The following PCDHGC3 variants were observed in gnomAD, a reference collection of about 807,000 sequenced individuals.
PCDHGC3 encodes the protein protocadherin gamma-C3.
PCDHGC3 carries 26 observed loss-of-function variants against 59.2 expected under a neutral mutation model. The ratio of observed to expected loss-of-function variants is 0.44; its 90% CI spans 0.32 to 0.61. The LOEUF (loss-of-function observed/expected upper bound fraction) is 0.61. Among genes scored for constraint, PCDHGC3 ranks in the 20% least tolerant of loss-of-function variants. The pLI, the probability that PCDHGC3 is intolerant of heterozygous loss-of-function variation, is 0.05. For missense variants in PCDHGC3, 1,080 were observed against 1,221.8 expected (o/e 0.88, Z 1.73); for synonymous variants, 487 against 519.7 (o/e 0.94, Z 0.86).
In PCDHGC3 at chr5:141,511,539, C is replaced by CGAGAT; in HGVS notation, c.*366_*367insGAGAT. 3.0e-6 allele frequency: 1 copy of CGAGAT among 328,342 alleles called. No individual in the cohort carries two copies. Among genetic ancestry groups the CGAGAT allele is most frequent in the South Asian group, 3.2e-5 (1 of 31,708 alleles). 20.3% of individuals were successfully genotyped at this position (328,342 alleles called of 1,614,324 possible). On this transcript the variant is annotated 3_prime_UTR_variant, in exon 4 of 4. Transcript: ENST00000308177. ...CATCCCATGCCTCCCTCCTCCCCAC[C>CGAGAT]CCACTCCAACAGTTCCTCTTTCCCG...
chr5:141,502,578 T>C (rs2099815145), intron 2 of PCDHGC3, among the ~76,000 whole-genome samples: 1 of 152,198 alleles, frequency 6.6e-6, no homozygotes, highest in African/African-American at 2.4e-5. Context: ...TATAAAAATA[T>C]ATTTTTATAA....
intron 1 of PCDHGC3, among the ~76,000 whole-genome samples, chr5:141,492,685 C>T (rs919981996): frequency 1.3e-5 from 2 of 152,242 alleles, no homozygotes; most frequent in African/African-American, 2.4e-5. Context: ...CAAGGGTCGG[C>T]GACCCCTCAA....
intron 3 of PCDHGC3, 90 bp from the exon 4 acceptor site, chr5:141,510,857 A>G (rs1184962556): frequency 6.2e-7 from 1 of 1,605,538 alleles, no homozygotes; most frequent in Non-Finnish European, 8.5e-7. Flanking sequence ...AGGGTGCTGT[A>G]TAGGCATTCA....
chr5:141,509,300 G>A (rs987250093), intron 3 of PCDHGC3, among the ~76,000 whole-genome samples: 5 of 152,216 alleles, frequency 3.3e-5, no homozygotes, highest in African/African-American at 1.2e-4. Flanking sequence ...GGTGGAGGCA[G>A]AGGGAGGCTG....
At chr5:141,481,762 GC>G (rs1307001837) in intron 1 of PCDHGC3, among the ~76,000 whole-genome samples, 1 of 152,126 alleles carries the variant, frequency 6.6e-6, no homozygotes, top group Admixed American at 6.5e-5. Context: ...GACCAGCCTG[GC>G]CAACATGGTG....
intron 2 of PCDHGC3, among the ~76,000 whole-genome samples, chr5:141,500,001 A>G (rs961582279): frequency 6.6e-5 from 10 of 151,914 alleles, no homozygotes; most frequent in African/African-American, 2.4e-4. Context: ...TGATTCTTTC[A>G]TAAGGTCCAC....
At chr5:141,505,308 G>A in intron 2 of PCDHGC3, 85 bp from the exon 3 acceptor site, 1 of 1,598,660 alleles carries the variant, frequency 6.3e-7, no homozygotes, top group Non-Finnish European at 8.5e-7. Flanking sequence ...TAGGGTACTA[G>A]GTTTGGGAGC....
Position 141,476,468 on chromosome 5 carries a change from C to T in PCDHGC3, c.352C>T (p.Leu118=). 6.2e-7 allele frequency: 1 copy of T among 1,614,132 alleles called. No homozygotes were observed. Among genetic ancestry groups the T allele is most frequent in the Non-Finnish European group, 8.5e-7 (1 of 1,180,022 alleles). The change falls in exon 1 of 4, where the codon CTG becomes TTG. Residue 118 remains leucine (L), a synonymous_variant. Coordinates refer to ENST00000308177, the MANE Select transcript of PCDHGC3 (RefSeq NM_002588.4). The surrounding 1 kb of genome is among the most constrained non-coding windows in gnomAD (Gnocchi z 7.6). The part of the protein sequence containing the change: ...LELVVENPLE[L]FSVEVVIQDI... ...GTTGGTAGTGGAGAACCCGCTGGAG[C>T]TGTTCAGCGTGGAAGTGGTGATCCA...
Position 141,476,538 on chromosome 5 carries a change from A to G in PCDHGC3, c.422A>G (p.Lys141Arg), listed in dbSNP as rs2099393283. ...CCTGCTTTCCCTACCCAGGAAATGAAATTGGAGATTAGCGAGGCCGTGGCT... is the reference window on the plus strand; with the variant it reads ...CCTGCTTTCCCTACCCAGGAAATGAGATTGGAGATTAGCGAGGCCGTGGCT... ...NNPAFPTQEM[K>R]LEISEAVAPG... Residue 141 changes from lysine to arginine, a missense_variant, in exon 1 of 4, where the codon AAA becomes AGA. By Grantham distance (26) the Lys-to-Arg change is conservative. Coordinates refer to ENST00000308177, the MANE Select transcript of PCDHGC3 (RefSeq NM_002588.4). The surrounding 1 kb of genome is among the most constrained non-coding windows in gnomAD (Gnocchi z 7.6). 1.2e-6 allele frequency: 2 copies of G among 1,614,162 alleles called. No homozygotes were observed. Among genetic ancestry groups the G allele is most frequent in the Non-Finnish European group, 1.7e-6 (2 of 1,180,042 alleles).
At chr5:141,501,330 CACA>C (rs1301023208) in intron 2 of PCDHGC3, among the ~76,000 whole-genome samples, 82 of 151,502 alleles carry the variant, frequency 5.4e-4, no homozygotes, top group Admixed American at 2.2e-3. Flanking sequence ...CACACACACA[CACA>C]CCCCAAACTC....
intron 2 of PCDHGC3, 160 bp from the exon 3 acceptor site, chr5:141,505,233 C>T: frequency 1.1e-6 from 1 of 872,838 alleles, no homozygotes; most frequent in Non-Finnish European, 1.4e-6. Context: ...ATTCTGGCTT[C>T]TGAAGGATTG....
At position 141,477,862 on chromosome 5, in the gene PCDHGC3, A is replaced by AGGT. The variant is rs753168325; in HGVS notation, c.1747_1749dup (p.Gly583dup). 2.1e-5 allele frequency: 34 copies of AGGT among 1,613,138 alleles called. No individual in the cohort carries two copies. Among genetic ancestry groups the AGGT allele is most frequent in the Non-Finnish European group, 2.5e-5 (29 of 1,179,720 alleles). ...GGAGCTCGGTGGAGATGCTGCCTCG[A>AGGT]GGTACCTCAGCTGGCCACCTAGTGT... is the stretch of plus-strand genomic sequence containing the variant. On this transcript the variant is annotated inframe_insertion, in exon 1 of 4. Transcript: ENST00000308177. The surrounding 1 kb of genome is among the most constrained non-coding windows in gnomAD (Gnocchi z 4.9).
Position 141,486,534 on chromosome 5 carries a change from C to G in PCDHGC3, c.2430+7988C>G. The stretch of plus-strand genomic sequence containing the variant: ...TCAGATGTGAATGATAATCCACCCT[C>G]TTTCTTTCAGAGGTCACATGAGGTG... On this transcript the variant is annotated intron_variant, in intron 1 of 3. Transcript: ENST00000308177. The surrounding 1 kb of genome is among the most constrained non-coding windows in gnomAD (Gnocchi z 5.0). 1 of 1,614,176 alleles carries G rather than the reference C, an allele frequency of 6.2e-7. No individual in the cohort carries two copies. Among genetic ancestry groups the G allele is most frequent in the Non-Finnish European group, 8.5e-7 (1 of 1,180,030 alleles).
At chr5:141,508,983 C>T (rs532410967) in intron 3 of PCDHGC3, among the ~76,000 whole-genome samples, 44 of 152,148 alleles carry the variant, frequency 2.9e-4, no homozygotes, top group Non-Finnish European at 4.4e-4. Flanking sequence ...GGGGTGGGGG[C>T]CAGCTGGGGT....
In PCDHGC3 at chr5:141,477,074, A is replaced by G; in HGVS notation, c.958A>G (p.Ile320Val). ...LDFEDTKLHEIYIQAKDKGAN... is the reference protein window; with the variant it reads ...LDFEDTKLHEVYIQAKDKGAN... Reference sequence around the variant, plus strand: ...CTTCGAGGACACCAAACTCCATGAGATTTACATCCAGGCCAAAGACAAGGG... The same window carrying G: ...CTTCGAGGACACCAAACTCCATGAGGTTTACATCCAGGCCAAAGACAAGGG... The change falls in exon 1 of 4, where the codon ATT becomes GTT. Residue 320 changes from isoleucine (I) to valine (V), a missense_variant. By Grantham distance (29) the Ile-to-Val change is conservative. Coordinates refer to ENST00000308177, the MANE Select transcript of PCDHGC3 (RefSeq NM_002588.4). This position sits in a 1 kb window ranked among gnomAD's most constrained non-coding sequence, Gnocchi z 4.9. 1 of 1,614,250 alleles carries G rather than the reference A, an allele frequency of 6.2e-7. No homozygotes were observed.
In PCDHGC3 at chr5:141,493,577, T is replaced by C. The variant is rs2099749081; in HGVS notation, c.2431-1230T>C. On this transcript the variant is annotated intron_variant, in intron 1 of 3. Coordinates refer to ENST00000308177, the MANE Select transcript of PCDHGC3 (RefSeq NM_002588.4). This position sits in a 1 kb window ranked among gnomAD's most constrained non-coding sequence, Gnocchi z 4.3. ...GAGTTCCCCCAGCTCCGTTTCCTCC[T>C]ATCACAATCACTGCATTTCCATGTA... Among the ~76,000 whole-genome samples, 2 of 152,208 alleles carry C rather than the reference T, an allele frequency of 1.3e-5. No homozygotes were observed. The highest frequency in any genetic ancestry group is 1.3e-4 in the Admixed American group (2 of 15,280).
Position 141,476,752 on chromosome 5 carries a change from A to T in PCDHGC3, c.636A>T (p.Leu212Phe), listed in dbSNP as rs771355583. Residue 212 changes from leucine (L) to phenylalanine (F), a missense_variant, in exon 1 of 4, where the codon TTA becomes TTT. By Grantham distance (22) the Leu-to-Phe change is conservative. Coordinates refer to ENST00000308177, the MANE Select transcript of PCDHGC3 (RefSeq NM_002588.4). This position sits in a 1 kb window ranked among gnomAD's most constrained non-coding sequence, Gnocchi z 7.6. ...LDREREPSLQ[L>F]VLTALDGGTP... ...GAGAACGGGAGCCTAGTCTCCAGTTAGTGCTGACGGCGTTGGACGGAGGGA... is the reference window on the plus strand; with the variant it reads ...GAGAACGGGAGCCTAGTCTCCAGTTTGTGCTGACGGCGTTGGACGGAGGGA... 1.2e-6 allele frequency: 2 copies of T among 1,613,926 alleles called. No individual in the cohort carries two copies. Among genetic ancestry groups the T allele is most frequent in the South Asian group, 2.2e-5 (2 of 91,080 alleles).
intron 1 of PCDHGC3, chr5:141,478,893 T>G (rs1469313900): frequency 1.8e-6 from 2 of 1,102,894 alleles, no homozygotes; most frequent in Admixed American, 3.1e-5. Flanking sequence ...TCATTTACAT[T>G]AGGAATAAGC....
In PCDHGC3 at chr5:141,487,743, G is replaced by C. The variant is rs1424889718; in HGVS notation, c.2431-7064G>C. The C allele has an allele frequency of 1.9e-6, 3 of 1,559,988 alleles. No homozygotes were observed. Among genetic ancestry groups the C allele is most frequent in the Non-Finnish European group, 2.6e-6 (3 of 1,150,774 alleles). ...AGTGATGTCACCATTTTTGTAAGAG[G>C]TAACTATGTGGTAGACGCTGTGCTT... On this transcript the variant is annotated intron_variant, in intron 1 of 3. Transcript: ENST00000308177. The surrounding 1 kb of genome is among the most constrained non-coding windows in gnomAD (Gnocchi z 5.0).
Sources: gnomAD v4.1 joint callset for allele counts (sites outside exome capture counted in the v4.1 genomes callset) on GRCh38, gnomAD v4.1.1 for gene constraint, Gnocchi (gnomAD v3.1) non-coding constraint, MANE v1.5 for transcripts, NCBI Gene and HGNC (gene_info 2026-07-23, HGNC 2026-07-21) for gene names.